RELN: variants seen among roughly 807,000 people sequenced by gnomAD.
The protein encoded by RELN is reelin.
RELN carries 108 observed loss-of-function variants against 427.6 expected under a neutral mutation model. The observed-to-expected ratio is 0.25, with a 90% CI of 0.22 to 0.30. The LOEUF is 0.30. RELN is among the 10% of genes least tolerant of loss of function. RELN has a pLI of 1.00. For missense variants in RELN, 3,715 were observed against 4,302.8 expected (o/e 0.86, Z 3.82); for synonymous variants, 1,524 against 1,513.4 (o/e 1.01, Z -0.16).
chr7:103,510,835 G>A lies in RELN; in HGVS notation c.8274+16C>T, dbSNP rs1203179746. The A allele has an allele frequency of 1.2e-6, 2 of 1,601,726 alleles. No homozygotes were observed. Among genetic ancestry groups the A allele is most frequent in the Non-Finnish European group, 1.7e-6 (2 of 1,169,046 alleles). On this transcript the variant is annotated intron_variant, in intron 51 of 64. Coordinates refer to ENST00000428762, the MANE Select transcript of RELN (RefSeq NM_005045.4). ...AATGTATGGTTGTTTATATAATCAA[G>A]ATCATAACATTTCACCTTGAATTGC... is the stretch of plus-strand genomic sequence containing the variant.
intron 11 of RELN, among the ~76,000 whole-genome samples, chr7:103,664,675 T>C (rs769888125): frequency 4.6e-5 from 7 of 152,188 alleles, no homozygotes; most frequent in Non-Finnish European, 1.0e-4. Flanking sequence ...ATTTGGCCTA[T>C]TAGATGATTA....
chr7:103,548,046 A>T (rs553578756), intron 41 of RELN, among the ~76,000 whole-genome samples: 2 of 152,366 alleles, frequency 1.3e-5, no homozygotes, highest in South Asian at 4.1e-4. Context: ...AATTTCAAGC[A>T]CACAACATTG....
chr7:103,898,450 T>G (rs4125502), intron 2 of RELN, among the ~76,000 whole-genome samples: 16,864 of 152,000 alleles, frequency 0.11, 1,166 homozygotes, highest in East Asian at 0.27. Context: ...TCATAAAAAT[T>G]TATAAAAGAT....
intron 3 of RELN, among the ~76,000 whole-genome samples, chr7:103,785,571 A>G (rs1484884644): frequency 6.6e-6 from 1 of 152,146 alleles, no homozygotes; most frequent in Non-Finnish European, 1.5e-5. Context: ...TGTGTGTCTT[A>G]CTTTCTTAAT....
chr7:103,708,464 C>CTTTTTTTTTTTTTTTTTTTTTTTTTTTTT (rs745955015), intron 8 of RELN, among the ~76,000 whole-genome samples: 5 of 110,104 alleles, frequency 4.5e-5, no homozygotes, highest in African/African-American at 1.3e-4. Flanking sequence ...GGGTATGACT[C>CTTTTTTTTTTTTTTTTTTTTTTTTTTTTT]TTTTTTTTTT....
At chr7:103,850,372 C>T (rs1793793010) in intron 2 of RELN, among the ~76,000 whole-genome samples, 1 of 152,158 alleles carries the variant, frequency 6.6e-6, no homozygotes. Context: ...TCCAACTTTA[C>T]CTAGAGCTGA....
intron 20 of RELN, among the ~76,000 whole-genome samples, chr7:103,618,105 C>T (rs1464826123): frequency 6.6e-6 from 1 of 152,188 alleles, no homozygotes; most frequent in Non-Finnish European, 1.5e-5. Flanking sequence ...CTCGGGTAAT[C>T]TTTATAGGAA....
In RELN at chr7:103,526,148, T is replaced by C. The variant is rs185561780; in HGVS notation, c.7350-2617A>G. Among the ~76,000 whole-genome samples, 246 of 152,350 alleles carry C rather than the reference T, an allele frequency of 1.6e-3. 1 individual carries two copies. The highest frequency in any genetic ancestry group is 5.6e-3 in the African/African-American group (233 of 41,580). On this transcript the variant is annotated intron_variant, in intron 46 of 64. Coordinates refer to ENST00000428762, the MANE Select transcript of RELN (RefSeq NM_005045.4). ...GTGGCATGGGTTGCCTAGCAGGTGG[T>C]TGCTTTCTGAGCATTGGCTGTGTTT...
chr7:103,710,019 C>T (rs1789754278), intron 8 of RELN, among the ~76,000 whole-genome samples: 1 of 152,246 alleles, frequency 6.6e-6, no homozygotes, highest in Admixed American at 6.5e-5. Flanking sequence ...AGACAAATGT[C>T]AGAATGTGAA....
At position 103,720,083 on chromosome 7, in the gene RELN, A is replaced by G. The variant is rs535330928; in HGVS notation, c.805+3057T>C. ...ACACAAGTACATAATCTATATACAC[A>G]TGTATAATATATATAATTATATAAA... On this transcript the variant is annotated intron_variant, in intron 8 of 64. Coordinates refer to ENST00000428762, the MANE Select transcript of RELN (RefSeq NM_005045.4). 3.9e-5 allele frequency among the ~76,000 whole-genome samples: 6 copies of G among 151,922 alleles called. No homozygotes were observed. The South Asian group carries it at 8.3e-4, about 21-fold the overall frequency.
At chr7:103,806,189 C>T (rs747938681) in intron 3 of RELN, among the ~76,000 whole-genome samples, 7 of 152,140 alleles carry the variant, frequency 4.6e-5, no homozygotes, top group African/African-American at 1.2e-4. Context: ...ATTTCACTAA[C>T]GTCTGAGCTA....
chr7:103,621,120 T>C (rs1010787980), intron 20 of RELN, among the ~76,000 whole-genome samples: 6 of 152,196 alleles, frequency 3.9e-5, no homozygotes, highest in Admixed American at 6.5e-5. Flanking sequence ...ACAGCAAACA[T>C]ATTAAAATGC....
intron 19 of RELN, among the ~76,000 whole-genome samples, chr7:103,635,031 T>G (rs377331396): frequency 6.6e-6 from 1 of 151,950 alleles, no homozygotes; most frequent in East Asian, 1.9e-4. Context: ...GCTTTTTTTT[T>G]CGTATTTTTA....
chr7:103,508,055 CAAAA>C (rs1015728775), intron 51 of RELN, among the ~76,000 whole-genome samples: 2 of 152,010 alleles, frequency 1.3e-5, no homozygotes, highest in Admixed American at 1.3e-4. Flanking sequence ...GCCTACTAAA[CAAAA>C]AAAGCCCAGG....
chr7:103,781,621 T>G (rs1332085631), intron 3 of RELN, among the ~76,000 whole-genome samples: 1 of 152,122 alleles, frequency 6.6e-6, no homozygotes, highest in Non-Finnish European at 1.5e-5. Context: ...CCCTCCTGTC[T>G]AACTGAAATT....
At chr7:103,983,863 C>CTGTGTGTG (rs59702742) in intron 1 of RELN, among the ~76,000 whole-genome samples, 7,955 of 148,470 alleles carry the variant, frequency 0.054, 251 homozygotes, top group South Asian at 0.075. Flanking sequence ...CTTCATATTT[C>CTGTGTGTG]TGTGTGTGTG....
intron 46 of RELN, among the ~76,000 whole-genome samples, 190 bp from the exon 47 acceptor site, chr7:103,523,721 G>A (rs751399233): frequency 5.3e-5 from 8 of 151,742 alleles, no homozygotes; most frequent in South Asian, 2.1e-4. Flanking sequence ...TCTGTCACCC[G>A]GGCTGGAACG....
At chr7:103,767,553 T>C (rs1791456465) in intron 4 of RELN, among the ~76,000 whole-genome samples, 1 of 152,196 alleles carries the variant, frequency 6.6e-6, no homozygotes, top group Admixed American at 6.5e-5. Context: ...ACATTTTCAA[T>C]AGGACTCATG....
intron 8 of RELN, among the ~76,000 whole-genome samples, chr7:103,719,913 C>T (rs1413926403): frequency 6.6e-6 from 1 of 152,266 alleles, no homozygotes; most frequent in East Asian, 1.9e-4. Context: ...TTTTAGGACA[C>T]TTTCCAAGAT....
Sources: gnomAD v4.1 joint callset for allele counts (sites outside exome capture counted in the v4.1 genomes callset) on GRCh38, gnomAD v4.1.1 for gene constraint, MANE v1.5 for transcripts, NCBI Gene and HGNC (gene_info 2026-07-23, HGNC 2026-07-21) for gene names.